UGGT2: variants seen among roughly 807,000 people sequenced by gnomAD.
UGGT2 encodes UDP-glucose glycoprotein glucosyltransferase 2, also known as UDP-glucose:glycoprotein glucosyltransferase 2.
In UGGT2, 180 loss-of-function variants were observed where a neutral mutation model predicts 192.1. The observed-to-expected ratio is 0.94, with a 90% confidence interval of 0.83 to 1.06. The LOEUF (loss-of-function observed/expected upper bound fraction) is 1.06. Ranked by LOEUF, UGGT2 falls within the 50% of genes least tolerant of loss-of-function variation. UGGT2 has a pLI of 0.00. For synonymous variants in UGGT2, 580 were observed against 591.0 expected (o/e 0.98, Z 0.27); for missense variants, 1,849 against 1,795.7 (o/e 1.03, Z -0.54).
At chr13:95,969,999 T>C in intron 12 of UGGT2, 113 bp downstream of exon 12, 1 of 1,126,584 alleles carries the variant, frequency 8.9e-7, no homozygotes, top group Non-Finnish European at 1.3e-6. Flanking sequence ...CTCTTTTCAC[T>C]GAGAACTGTT....
intron 15 of UGGT2, 27 bp downstream of exon 15, chr13:95,947,007 AAAC>A: frequency 6.6e-7 from 1 of 1,522,904 alleles, no homozygotes; most frequent in African/African-American, 1.4e-5. Flanking sequence ...TTTACCTTCT[AAAC>A]AAATCACATT....
At chr13:96,016,464 A>G (rs1227279395) in intron 4 of UGGT2, among the ~76,000 whole-genome samples, 1 of 152,218 alleles carries the variant, frequency 6.6e-6, no homozygotes, top group East Asian at 1.9e-4. Context: ...ACTTGCATCC[A>G]GCTGCTCCAG....
chr13:95,876,271 C>A (rs962843387), intron 29 of UGGT2, among the ~76,000 whole-genome samples: 3 of 152,140 alleles, frequency 2.0e-5, no homozygotes, highest in Admixed American at 1.3e-4. Context: ...ATAATGTATA[C>A]CATATTGTCA....
chr13:96,046,440 C>T (rs2053311851), intron 1 of UGGT2, among the ~76,000 whole-genome samples: 1 of 152,154 alleles, frequency 6.6e-6, no homozygotes, highest in African/African-American at 2.4e-5. Context: ...GATTTCATGA[C>T]CAAGAACCCC....
intron 5 of UGGT2, among the ~76,000 whole-genome samples, chr13:96,002,364 TTTTATA>T (rs1176879334): frequency 6.6e-6 from 1 of 152,264 alleles, no homozygotes; most frequent in African/African-American, 2.4e-5. Flanking sequence ...TGTCCTCTTC[TTTTATA>T]TTTATCTTTT....
In UGGT2 at chr13:95,890,107, C is replaced by T. The variant is rs115322723; in HGVS notation, c.2958+755G>A. ...AGTGTTATTTTGGCCTTTGTTATAG[C>T]GGCCAAACCTATAGAATACAAACTC... is the stretch of plus-strand genomic sequence containing the variant. On this transcript the variant is annotated intron_variant, in intron 25 of 38. Transcript: ENST00000376747. Among the ~76,000 whole-genome samples, 1,033 of 152,260 alleles carry T rather than the reference C, an allele frequency of 6.8e-3. 8 individuals are homozygous for T. Among genetic ancestry groups the T allele is most frequent in the African/African-American group, 0.024 (983 of 41,544 alleles).
At chr13:95,880,745 AC>A (rs539797180) in intron 27 of UGGT2, among the ~76,000 whole-genome samples, 13 of 152,066 alleles carry the variant, frequency 8.5e-5, no homozygotes, top group Non-Finnish European at 1.8e-4. Context: ...TCACTTAGTG[AC>A]CCCAAAGCAC....
intron 5 of UGGT2, among the ~76,000 whole-genome samples, chr13:96,001,926 A>G (rs769038069): frequency 3.9e-5 from 6 of 152,170 alleles, no homozygotes; most frequent in African/African-American, 7.2e-5. Flanking sequence ...TTTCTTAATA[A>G]CATTACTTAT....
chr13:95,814,070 G>C (rs1002933668), intron 38 of UGGT2, among the ~76,000 whole-genome samples: 1 of 152,246 alleles, frequency 6.6e-6, no homozygotes, highest in Non-Finnish European at 1.5e-5. Context: ...GCAGAAGCCT[G>C]CTGCAAGGGT....
intron 2 of UGGT2, among the ~76,000 whole-genome samples, chr13:96,027,690 G>C (rs1484447203): frequency 6.6e-6 from 1 of 152,098 alleles, no homozygotes; most frequent in African/African-American, 2.4e-5. Context: ...GTTGGAGACT[G>C]GGTTATTTGC....
At chr13:95,861,561 G>GC (rs771661292) in intron 31 of UGGT2, among the ~76,000 whole-genome samples, 1 of 151,834 alleles carries the variant, frequency 6.6e-6, no homozygotes, top group Non-Finnish European at 1.5e-5. Flanking sequence ...TTTTGTATAG[G>GC]CCCATTTCAT....
intron 26 of UGGT2, 96 bp from the exon 27 acceptor site, chr13:95,884,776 G>T: frequency 8.2e-7 from 1 of 1,215,208 alleles, no homozygotes; most frequent in Non-Finnish European, 1.1e-6. Context: ...GATCTGACCA[G>T]AAGTCTACAA....
chr13:95,964,927 G>A (rs1453898607), intron 12 of UGGT2, among the ~76,000 whole-genome samples: 1 of 152,168 alleles, frequency 6.6e-6, no homozygotes, highest in Non-Finnish European at 1.5e-5. Context: ...AAAAGTGGGT[G>A]AAGGACATGA....
chr13:95,987,933 T>A (rs1426893867), intron 8 of UGGT2, among the ~76,000 whole-genome samples: 2 of 152,108 alleles, frequency 1.3e-5, no homozygotes, highest in African/African-American at 2.4e-5. Flanking sequence ...CTAGTTAGAT[T>A]CAGCCAATCC....
At chr13:95,850,265 A>G (rs890242789) in intron 36 of UGGT2, among the ~76,000 whole-genome samples, 1 of 152,220 alleles carries the variant, frequency 6.6e-6, no homozygotes, top group East Asian at 1.9e-4. Flanking sequence ...AAAGTAGTCT[A>G]TAGTTGGAGT....
At chr13:95,946,000 A>G (rs2049853850) in intron 15 of UGGT2, among the ~76,000 whole-genome samples, 1 of 152,168 alleles carries the variant, frequency 6.6e-6, no homozygotes, top group East Asian at 1.9e-4. Flanking sequence ...GACAAGCTAA[A>G]GCCCAATGAA....
chr13:95,853,175 T>C (rs561634889), intron 36 of UGGT2, among the ~76,000 whole-genome samples: 3 of 152,308 alleles, frequency 2.0e-5, no homozygotes, highest in Admixed American at 1.3e-4. Context: ...ATTGTAAGTT[T>C]CCTGAGGCCT....
At chr13:95,974,473 A>C (rs989630193) in intron 10 of UGGT2, among the ~76,000 whole-genome samples, 3 of 152,206 alleles carry the variant, frequency 2.0e-5, no homozygotes, top group African/African-American at 7.2e-5. Context: ...AAATCCCTCA[A>C]GACTGTTTAT....
chr13:95,854,506 G>A (rs372285339), intron 34 of UGGT2, 31 bp from the exon 35 acceptor site: 70 of 1,545,468 alleles, frequency 4.5e-5, no homozygotes, highest in Admixed American at 1.2e-4. Flanking sequence ...GTCTGATAAA[G>A]ACTGTAAAAT....
Sources: allele counts gnomAD v4.1 joint callset (sites outside exome capture counted in the v4.1 genomes callset), GRCh38; gene constraint gnomAD v4.1.1; transcripts MANE v1.5; gene names NCBI Gene and HGNC (gene_info 2026-07-23, HGNC 2026-07-21).